The following CCSER1 variants were observed in gnomAD, a reference collection of about 807,000 sequenced individuals.
The protein encoded by CCSER1 is coiled-coil serine rich protein 1.
In CCSER1, 41 loss-of-function variants were observed where a neutral mutation model predicts 82.0. The ratio of observed to expected loss-of-function variants is 0.50; its 90% confidence interval spans 0.39 to 0.65. The LOEUF (loss-of-function observed/expected upper bound fraction) is 0.65. CCSER1 is among the 30% of genes least tolerant of loss of function. CCSER1 has a pLI of 0.00. For missense variants in CCSER1, 1,119 were observed against 1,064.2 expected, an observed-to-expected ratio of 1.05 and a Z score of -0.72; for synonymous variants, 414 against 383.9, an observed-to-expected ratio of 1.08 and a Z score of -0.92.
intron 6 of CCSER1, among the ~76,000 whole-genome samples, chr4:90,722,462 T>A (rs1409543779): frequency 1.3e-5 from 2 of 151,974 alleles, no homozygotes; most frequent in East Asian, 3.9e-4. Flanking sequence ...TTCTCTATTA[T>A]GTCATATAAT....
chr4:90,613,433 C>T (rs1256614140), intron 5 of CCSER1, among the ~76,000 whole-genome samples: 2 of 152,122 alleles, frequency 1.3e-5, no homozygotes, highest in African/African-American at 2.4e-5. Flanking sequence ...GTGGGCATCT[C>T]ACAAGTTCAT....
chr4:90,599,437 G>C (rs1013286558), intron 5 of CCSER1, among the ~76,000 whole-genome samples: 8 of 151,900 alleles, frequency 5.3e-5, no homozygotes, highest in Non-Finnish European at 7.4e-5. Context: ...GTTTCCTGAG[G>C]CCTCTCCAGC....
intron 4 of CCSER1, among the ~76,000 whole-genome samples, chr4:90,441,190 A>G (rs901775078): frequency 6.6e-6 from 1 of 152,148 alleles, no homozygotes; most frequent in Admixed American, 6.5e-5. Context: ...AAGAAAATCT[A>G]GACACCTGAA....
chr4:90,531,265 T>C (rs563542432), intron 5 of CCSER1, among the ~76,000 whole-genome samples: 16 of 152,184 alleles, frequency 1.1e-4, no homozygotes, highest in Admixed American at 2.0e-4. Context: ...TATAAACACA[T>C]TGATTGTTAG....
chr4:91,341,457 C>T (rs189327324), intron 10 of CCSER1, among the ~76,000 whole-genome samples: 288 of 152,226 alleles, frequency 1.9e-3, no homozygotes, highest in Admixed American at 2.9e-3. Flanking sequence ...TAATGGTTTT[C>T]TGATAGAGAA....
At chr4:90,549,675 C>T (rs1777218829) in intron 5 of CCSER1, among the ~76,000 whole-genome samples, 1 of 151,546 alleles carries the variant, frequency 6.6e-6, no homozygotes. Flanking sequence ...CTTTTGAATG[C>T]CAAATAAATA....
rs111430831 is a variant in CCSER1 at position 91,431,980 on chromosome 4, T to C, written c.2218-166592T>C. Among the ~76,000 whole-genome samples, 859 of 152,238 alleles carry C rather than the reference T, an allele frequency of 5.6e-3. 8 individuals carry two copies. The highest frequency in any genetic ancestry group is 0.02 in the African/African-American group (829 of 41,534). ...GTCCCCACCAAATCTCATCTCGAATTATAATCCTCACTTGTCGAGGGAGGG... is the reference window on the plus strand; with the variant it reads ...GTCCCCACCAAATCTCATCTCGAATCATAATCCTCACTTGTCGAGGGAGGG... On this transcript the variant is annotated intron_variant, in intron 10 of 10. Coordinates refer to ENST00000509176, the MANE Select transcript of CCSER1 (RefSeq NM_001145065.2).
intron 5 of CCSER1, among the ~76,000 whole-genome samples, chr4:90,477,826 A>G (rs981464295): frequency 1.3e-5 from 2 of 152,128 alleles, no homozygotes; most frequent in Non-Finnish European, 2.9e-5. Flanking sequence ...CAACCATGAT[A>G]GTTGTCCAAC....
intron 10 of CCSER1, among the ~76,000 whole-genome samples, chr4:91,396,410 A>G (rs1751982018): frequency 6.6e-6 from 1 of 152,126 alleles, no homozygotes; most frequent in Admixed American, 6.6e-5. Context: ...GCTATCACTT[A>G]TGTATTTATG....
At chr4:91,478,873 T>A (rs1487270835) in intron 10 of CCSER1, among the ~76,000 whole-genome samples, 1 of 150,084 alleles carries the variant, frequency 6.7e-6, no homozygotes, top group Non-Finnish European at 1.5e-5. Flanking sequence ...CTTCTATATT[T>A]AGCATTGCAG....
At chr4:90,192,940 C>G (rs1481736312) in intron 1 of CCSER1, among the ~76,000 whole-genome samples, 1 of 151,994 alleles carries the variant, frequency 6.6e-6, no homozygotes, top group African/African-American at 2.4e-5. Flanking sequence ...TCTTTCCTTT[C>G]CAGAGAACAG....
chr4:91,062,327 G>A (rs936012886), intron 9 of CCSER1, among the ~76,000 whole-genome samples: 7 of 152,026 alleles, frequency 4.6e-5, no homozygotes, highest in African/African-American at 1.7e-4. Context: ...CCTGCAGCGT[G>A]TATCATTCAT....
At chr4:91,159,174 G>A (rs1397400852) in intron 10 of CCSER1, among the ~76,000 whole-genome samples, 1 of 151,728 alleles carries the variant, frequency 6.6e-6, no homozygotes, top group South Asian at 2.1e-4. Context: ...TGTTCTCCGG[G>A]CTTCAGCAAC....
intron 7 of CCSER1, among the ~76,000 whole-genome samples, chr4:90,782,681 C>CTTTT (rs200701722): frequency 0.12 from 14,312 of 121,562 alleles, 1,033 homozygotes; most frequent in Non-Finnish European, 0.15. Flanking sequence ...TCTTTTCTTT[C>CTTTT]TTTCTTTTTT....
chr4:90,866,261 T>A (rs1162821116), intron 8 of CCSER1, among the ~76,000 whole-genome samples: 1 of 151,982 alleles, frequency 6.6e-6, no homozygotes, highest in African/African-American at 2.4e-5. Flanking sequence ...AAATTAGAAA[T>A]AAATTACTAA....
chr4:90,132,834 G>C (rs1963874), intron 1 of CCSER1, among the ~76,000 whole-genome samples: 46,254 of 152,010 alleles, frequency 0.3, 9,438 homozygotes, highest in East Asian at 0.65. Flanking sequence ...AGTTAAACTT[G>C]ATTAAAAGTT....
intron 8 of CCSER1, among the ~76,000 whole-genome samples, chr4:90,832,530 G>A (rs180869229): frequency 3.3e-5 from 5 of 151,890 alleles, no homozygotes. Context: ...ACTGAACTAA[G>A]GTTACCAATG....
chr4:90,413,683 TCCTC>T lies in CCSER1; in HGVS notation c.1603+13559_1603+13562del, dbSNP rs1755248164. Among the ~76,000 whole-genome samples, 3 of 151,136 alleles carry T rather than the reference TCCTC, an allele frequency of 2.0e-5. No individual in the cohort carries two copies. In the South Asian group the frequency reaches 6.2e-4, roughly 31 times the overall value. On this transcript the variant is annotated intron_variant, in intron 4 of 10. Transcript: ENST00000509176. ...TAAAGAGTCCTAAATTAATATATGT[TCCTC>T]CCTCACGCCTGTAATCCCAGCACTT...
At chr4:90,684,944 G>A (rs1447476022) in intron 6 of CCSER1, among the ~76,000 whole-genome samples, 2 of 152,118 alleles carry the variant, frequency 1.3e-5, no homozygotes, top group African/African-American at 4.8e-5. Context: ...ACATGGAACT[G>A]TAAGTCCATT....
Sources: gnomAD v4.1 joint callset for allele counts (sites outside exome capture counted in the v4.1 genomes callset) on GRCh38, gnomAD v4.1.1 for gene constraint, MANE v1.5 for transcripts, NCBI Gene and HGNC (gene_info 2026-07-23, HGNC 2026-07-21) for gene names.